Variants in TCAIM observed in about 807,000 individuals in gnomAD.
TCAIM encodes T cell activation inhibitor, mitochondrial, also known as T-cell activation inhibitor, mitochondrial.
In TCAIM, 36 loss-of-function variants were observed where a neutral mutation model predicts 58.6. The observed-to-expected ratio is 0.61, with a 90% confidence interval of 0.47 to 0.81. The LOEUF (loss-of-function observed/expected upper bound fraction) is 0.81, where lower values mean the gene tolerates loss of function less well. Among genes scored for constraint, TCAIM ranks in the 30% least tolerant of loss-of-function variants. TCAIM has a pLI of 0.00. For synonymous variants in TCAIM, 172 were observed against 193.6 expected (o/e 0.89, Z 0.93); for missense variants, 466 against 579.6 (o/e 0.80, Z 2.01).
chr3:44,345,119 C>A (rs1054811749), intron 1 of TCAIM, among the ~76,000 whole-genome samples: 1 of 151,878 alleles, frequency 6.6e-6, no homozygotes, highest in Non-Finnish European at 1.5e-5. Context: ...AGATAATGGG[C>A]GACGTTTCTC....
At chr3:44,402,349 G>A (rs1471772529) in intron 10 of TCAIM, among the ~76,000 whole-genome samples, 1 of 152,162 alleles carries the variant, frequency 6.6e-6, no homozygotes, top group Admixed American at 6.5e-5. Context: ...GGTCAAGGCT[G>A]CAGTGAGCTG....
At chr3:44,387,412 G>A (rs189694593) in intron 5 of TCAIM, among the ~76,000 whole-genome samples, 7 of 152,306 alleles carry the variant, frequency 4.6e-5, no homozygotes, top group Non-Finnish European at 1.0e-4. Flanking sequence ...ACACACCTAG[G>A]TCTGGGCTCC....
At chr3:44,378,392 C>T (rs1488615171) in intron 5 of TCAIM, among the ~76,000 whole-genome samples, 1 of 151,388 alleles carries the variant, frequency 6.6e-6, no homozygotes, top group Admixed American at 6.6e-5. Flanking sequence ...ACCCTACCCC[C>T]CCAAAAAAAA....
At chr3:44,370,079 G>A (rs1477898544) in intron 5 of TCAIM, among the ~76,000 whole-genome samples, 4 of 111,576 alleles carry the variant, frequency 3.6e-5, no homozygotes, top group Admixed American at 9.8e-5. Flanking sequence ...TTATGTTGCT[G>A]TGAATTCTTG....
At chr3:44,392,244 G>T (rs1701849774) in intron 5 of TCAIM, among the ~76,000 whole-genome samples, 1 of 152,162 alleles carries the variant, frequency 6.6e-6, no homozygotes, top group Non-Finnish European at 1.5e-5. Context: ...AAAAAGAATA[G>T]GTAGAAGTAA....
chr3:44,372,602 C>CT (rs1701496721), intron 5 of TCAIM, among the ~76,000 whole-genome samples: 1 of 119,994 alleles, frequency 8.3e-6, no homozygotes, highest in African/African-American at 3.1e-5. Flanking sequence ...TTTTTTTTTT[C>CT]TTTTTTTAAG....
chr3:44,357,223 T>C (rs1701211055), intron 2 of TCAIM, among the ~76,000 whole-genome samples: 1 of 151,602 alleles, frequency 6.6e-6, no homozygotes, highest in African/African-American at 2.4e-5. Flanking sequence ...AAAGAATTAG[T>C]TGGGTGTGGT....
intron 1 of TCAIM, among the ~76,000 whole-genome samples, chr3:44,349,280 C>G (rs1701036118): frequency 6.6e-6 from 1 of 152,108 alleles, no homozygotes; most frequent in Non-Finnish European, 1.5e-5. Flanking sequence ...GACCATTTGC[C>G]CATTTTACTA....
At chr3:44,339,253 C>G (rs568138110) in intron 1 of TCAIM, among the ~76,000 whole-genome samples, 1 of 152,210 alleles carries the variant, frequency 6.6e-6, no homozygotes, top group African/African-American at 2.4e-5. Flanking sequence ...TTTGTCCCTC[C>G]TTGATATAAC....
At chr3:44,373,509 C>A (rs1323681626) in intron 5 of TCAIM, among the ~76,000 whole-genome samples, 3 of 151,468 alleles carry the variant, frequency 2.0e-5, no homozygotes, top group East Asian at 1.9e-4. Flanking sequence ...AAAAAAATAG[C>A]CAGGCGTGAT....
At chr3:44,365,527 C>G (rs1289958046) in intron 4 of TCAIM, among the ~76,000 whole-genome samples, 1 of 152,100 alleles carries the variant, frequency 6.6e-6, no homozygotes, top group African/African-American at 2.4e-5. Context: ...GGAGTTTCAC[C>G]TTGTTGGCCA....
At chr3:44,400,778 T>A (rs1045892591) in intron 9 of TCAIM, 191 bp downstream of exon 9, 1 of 594,346 alleles carries the variant, frequency 1.7e-6, no homozygotes. Flanking sequence ...GGATTTAATG[T>A]CTAGAACATT....
Position 44,407,698 on chromosome 3 carries a change from TA to T in TCAIM, c.*17del, listed in dbSNP as rs758724359. On this transcript the variant is annotated 3_prime_UTR_variant, in exon 11 of 11. Transcript: ENST00000342649. The stretch of plus-strand genomic sequence containing the variant: ...CATTAAGTAACACAGAAATCTGTTT[TA>T]TTTTTTTAAGAGATAAGAAAGGAAC... 9.0e-6 allele frequency: 14 copies of T among 1,558,918 alleles called. No homozygotes were observed. Among genetic ancestry groups the T allele is most frequent in the South Asian group, 6.1e-5 (5 of 81,702 alleles).
intron 10 of TCAIM, among the ~76,000 whole-genome samples, chr3:44,404,815 T>TA (rs1553608302): frequency 2.9e-4 from 41 of 142,690 alleles, no homozygotes; most frequent in African/African-American, 1.0e-3. Flanking sequence ...GCCATTTTTT[T>TA]ATGGCAAAAA....
intron 5 of TCAIM, among the ~76,000 whole-genome samples, chr3:44,374,473 G>A (rs1011031733): frequency 6.6e-5 from 10 of 152,028 alleles, no homozygotes; most frequent in African/African-American, 1.9e-4. Flanking sequence ...AAAGCTTTTG[G>A]TGCCAGGTGC....
Position 44,409,428 on chromosome 3 carries a change from A to G in TCAIM, c.*1746A>G, listed in dbSNP as rs1326256477. 1 of 152,274 alleles carries G rather than the reference A, an allele frequency of 6.6e-6. No individual in the cohort carries two copies. The highest frequency in any genetic ancestry group is 1.9e-4 in the East Asian group (1 of 5,206). 9.4% of individuals were successfully genotyped at this position (152,274 alleles called of 1,614,324 possible). A position where few individuals can be genotyped will look rare whatever the true frequency, so the allele number is the denominator to read the frequency against. On this transcript the variant is annotated 3_prime_UTR_variant, in exon 11 of 11. Coordinates refer to ENST00000342649, the MANE Select transcript of TCAIM (RefSeq NM_173826.4). The stretch of plus-strand genomic sequence containing the variant: ...GATTTTTTCTCAGAACTGTTACATA[A>G]TAAATAATACATCAACCAGATAACT...
intron 2 of TCAIM, among the ~76,000 whole-genome samples, chr3:44,357,393 A>AGAG (rs1575244986): frequency 1.3e-5 from 2 of 151,754 alleles, no homozygotes; most frequent in East Asian, 1.9e-4. Flanking sequence ...TATATATAGA[A>AGAG]AGAGAATTAC....
At chr3:44,372,793 G>A (rs148077074) in intron 5 of TCAIM, among the ~76,000 whole-genome samples, 157 of 151,784 alleles carry the variant, frequency 1.0e-3, no homozygotes, top group African/African-American at 3.7e-3. Flanking sequence ...ATGGGGTTTC[G>A]CCGTGTTAGC....
Position 44,400,559 on chromosome 3 carries a change from T to C in TCAIM, c.1090T>C (p.Leu364=). ...TAGAATACTATTTCACCCTCGAAGT[T>C]TGCGTGGTTTACAAATGATCCTTAA... ...KSRILFHPRS[L]RGLQMILNSD... The change falls in exon 9 of 11, where the codon TTG becomes CTG. Residue 364 remains leucine, a synonymous_variant. Transcript: ENST00000342649. 1.9e-6 allele frequency: 3 copies of C among 1,613,514 alleles called. No homozygotes were observed. Among genetic ancestry groups the C allele is most frequent in the Non-Finnish European group, 2.5e-6 (3 of 1,179,796 alleles).
Sources: allele counts gnomAD v4.1 joint callset (sites outside exome capture counted in the v4.1 genomes callset), GRCh38; gene constraint gnomAD v4.1.1; transcripts MANE v1.5; gene names NCBI Gene and HGNC (gene_info 2026-07-23, HGNC 2026-07-21).